Variants in EIF3H observed in about 807,000 individuals in gnomAD.
EIF3H encodes the protein eukaryotic translation initiation factor 3 subunit H, also known as eIF-3-gamma.
In EIF3H, 26 loss-of-function variants were observed where a neutral mutation model predicts 44.2. The ratio of observed to expected loss-of-function variants is 0.59; its 90% CI spans 0.43 to 0.82. The LOEUF (loss-of-function observed/expected upper bound fraction) is 0.82, where lower values mean the gene tolerates loss of function less well. Ranked by LOEUF, EIF3H falls within the 40% of genes least tolerant of loss-of-function variation. EIF3H has a pLI of 0.00. For missense variants in EIF3H, 359 were observed against 432.8 expected (o/e 0.83, Z 1.51); for synonymous variants, 166 against 151.9 (o/e 1.09, Z -0.68).
chr8:116,706,410 T>G (rs1395021844), intron 2 of EIF3H, among the ~76,000 whole-genome samples: 1 of 152,246 alleles, frequency 6.6e-6, no homozygotes, highest in Non-Finnish European at 1.5e-5. Context: ...ATCTTTCAAG[T>G]GTCAGCTGAG....
chr8:116,647,823 C>T (rs1813329329), intron 6 of EIF3H, among the ~76,000 whole-genome samples: 1 of 152,096 alleles, frequency 6.6e-6, no homozygotes, highest in Admixed American at 6.6e-5. Context: ...CTGGATGAGT[C>T]CTTCACCTAC....
intron 2 of EIF3H, among the ~76,000 whole-genome samples, chr8:116,704,963 CTG>C (rs1221874938): frequency 6.6e-6 from 1 of 152,174 alleles, no homozygotes; most frequent in Non-Finnish European, 1.5e-5. Flanking sequence ...GAGAGTTCCT[CTG>C]TACAAAAGGT....
chr8:116,689,333 C>T (rs570777438), intron 2 of EIF3H, among the ~76,000 whole-genome samples: 9 of 152,040 alleles, frequency 5.9e-5, no homozygotes, highest in African/African-American at 1.2e-4. Flanking sequence ...TTGACGCTAG[C>T]GATGGATGCA....
At chr8:116,682,830 A>C (rs191414403) in intron 2 of EIF3H, among the ~76,000 whole-genome samples, 2 of 152,296 alleles carry the variant, frequency 1.3e-5, no homozygotes, top group African/African-American at 2.4e-5. Context: ...ATGCTGTAAC[A>C]TGTGGTTTGC....
In EIF3H at chr8:116,643,114, G is replaced by GA. The variant is rs1813248752; in HGVS notation, c.*1891dup. On this transcript the variant is annotated 3_prime_UTR_variant, in exon 8 of 8. Transcript: ENST00000521861. ...ACTCCACAATAAGATCCCAAGTCTA[G>GA]AAAATTAGAATGCAGAGGAAATGAA... 1 of 152,188 alleles carries GA rather than the reference G, an allele frequency of 6.6e-6. No homozygotes were observed. The highest frequency in any genetic ancestry group is 6.5e-5 in the Admixed American group (1 of 15,276). 9.4% of individuals were successfully genotyped at this position (152,188 alleles called of 1,614,324 possible). A position where few individuals can be genotyped will look rare whatever the true frequency, so the allele number is the denominator to read the frequency against.
chr8:116,712,827 T>C (rs1208402663), intron 2 of EIF3H, among the ~76,000 whole-genome samples: 1 of 152,082 alleles, frequency 6.6e-6, no homozygotes, highest in Non-Finnish European at 1.5e-5. Context: ...AACTCAGTAT[T>C]AGCACCAAAA....
At chr8:116,679,280 G>C (rs1813920517) in intron 2 of EIF3H, among the ~76,000 whole-genome samples, 2 of 50,866 alleles carry the variant, frequency 3.9e-5, no homozygotes, top group African/African-American at 1.0e-4. Context: ...CAGCCGCCCC[G>C]TCCGGGAGGG....
At chr8:116,671,686 C>T (rs1813758364) in intron 2 of EIF3H, among the ~76,000 whole-genome samples, 1 of 152,172 alleles carries the variant, frequency 6.6e-6, no homozygotes, top group South Asian at 2.1e-4. Flanking sequence ...ACAGGGCACA[C>T]AGACTGACAG....
intron 1 of EIF3H, among the ~76,000 whole-genome samples, chr8:116,730,568 C>G (rs1814934766): frequency 6.6e-6 from 1 of 152,180 alleles, no homozygotes; most frequent in African/African-American, 2.4e-5. Context: ...AACTAAATGA[C>G]ATACATACTT....
intron 2 of EIF3H, among the ~76,000 whole-genome samples, chr8:116,666,979 G>C (rs1813681239): frequency 6.6e-6 from 1 of 152,164 alleles, no homozygotes; most frequent in African/African-American, 2.4e-5. Context: ...CTGTGTGCAT[G>C]TGTACACGCT....
At chr8:116,668,219 G>A (rs557260147) in intron 2 of EIF3H, among the ~76,000 whole-genome samples, 3 of 152,294 alleles carry the variant, frequency 2.0e-5, no homozygotes, top group East Asian at 1.9e-4. Flanking sequence ...TGCTCATGAG[G>A]TGCTAAGAGA....
chr8:116,755,595 A>C, intron 1 of EIF3H, 71 bp downstream of exon 1: 1 of 1,598,708 alleles, frequency 6.3e-7, no homozygotes, highest in Admixed American at 1.7e-5. Flanking sequence ...AATGCTAGAA[A>C]GTACGTCTGG....
chr8:116,667,051 A>G (rs1813682906), intron 2 of EIF3H, among the ~76,000 whole-genome samples: 2 of 152,236 alleles, frequency 1.3e-5, no homozygotes, highest in Non-Finnish European at 2.9e-5. Flanking sequence ...GATAAGTAAT[A>G]TCAGAACTAC....
chr8:116,759,938 T>G (rs1456715655), upstream of EIF3H, among the ~76,000 whole-genome samples: 1 of 152,158 alleles, frequency 6.6e-6, no homozygotes, highest in Non-Finnish European at 1.5e-5. Context: ...ACAATGTTGC[T>G]CAGGCTGGCC....
intron 1 of EIF3H, among the ~76,000 whole-genome samples, chr8:116,754,054 C>T (rs1236052663): frequency 1.3e-5 from 2 of 152,150 alleles, no homozygotes; most frequent in East Asian, 1.9e-4. Flanking sequence ...CCTGAACACA[C>T]ATCTGCCTCC....
intron 2 of EIF3H, among the ~76,000 whole-genome samples, chr8:116,681,699 A>T (rs890896104): frequency 1.3e-5 from 2 of 152,058 alleles, no homozygotes; most frequent in East Asian, 3.8e-4. Flanking sequence ...AAAATTTTAA[A>T]GCATGTTTTA....
chr8:116,672,811 A>C (rs1228607986), intron 2 of EIF3H, among the ~76,000 whole-genome samples: 2 of 152,036 alleles, frequency 1.3e-5, no homozygotes, highest in Non-Finnish European at 2.9e-5. Flanking sequence ...AAGGAGGAGG[A>C]GGCAGCTCAA....
intron 1 of EIF3H, among the ~76,000 whole-genome samples, chr8:116,738,444 T>G (rs1431933944): frequency 6.6e-6 from 1 of 152,178 alleles, no homozygotes; most frequent in Non-Finnish European, 1.5e-5. Context: ...TTCAACTCTG[T>G]GAATATCACT....
At position 116,690,426 on chromosome 8, in the gene EIF3H, G is replaced by A. The variant is rs370128000; in HGVS notation, c.290-31446C>T. Among the ~76,000 whole-genome samples the A allele has an allele frequency of 8.8e-4, 134 of 152,144 alleles. 2 individuals are homozygous for A. In the South Asian group the frequency reaches 0.027, roughly 31 times the overall value. ...TTGAAAAGAATGGGCTGGACAGAGC[G>A]GCTCACACTTGTAATCCCAGCACTT... On this transcript the variant is annotated intron_variant, in intron 2 of 7. Transcript: ENST00000521861.
Sources: allele counts gnomAD v4.1 joint callset (sites outside exome capture counted in the v4.1 genomes callset), GRCh38; gene constraint gnomAD v4.1.1; transcripts MANE v1.5; gene names NCBI Gene and HGNC (gene_info 2026-07-23, HGNC 2026-07-21).